The following CYP19A1 variants were observed in gnomAD, a reference collection of about 807,000 sequenced individuals.
CYP19A1 encodes aromatase.
A neutral mutation model predicts 44.4 loss-of-function variants in CYP19A1; 32 were observed. The observed-to-expected ratio is 0.72, with a 90% CI of 0.54 to 0.97. The LOEUF (loss-of-function observed/expected upper bound fraction) is 0.97, where lower values mean the gene tolerates loss of function less well. Ranked by LOEUF, CYP19A1 falls within the 50% of genes least tolerant of loss-of-function variation. The pLI, the probability that CYP19A1 is intolerant of heterozygous loss-of-function variation, is 0.00. For synonymous variants in CYP19A1, 212 were observed against 215.6 expected, an observed-to-expected ratio of 0.98 and a Z score of 0.14; for missense variants, 598 against 637.8, an observed-to-expected ratio of 0.94 and a Z score of 0.67.
At chr15:51,266,694 C>T (rs2034931398) in intron 1 of CYP19A1, among the ~76,000 whole-genome samples, 1 of 152,224 alleles carries the variant, frequency 6.6e-6, no homozygotes, top group Non-Finnish European at 1.5e-5. Flanking sequence ...CTCTCGAAAG[C>T]AGCCCCGGAC....
chr15:51,308,329 A>G lies in CYP19A1; in HGVS notation c.-39+30166T>C, dbSNP rs553558387. ...CCACCAAGTCGGTCCTCTGTCCCCA[A>G]CTTACCCTCCTGGTCAGAGGAAAAT... is the stretch of plus-strand genomic sequence containing the variant. On this transcript the variant is annotated intron_variant, in intron 1 of 9. Transcript: ENST00000396402. 9.9e-5 allele frequency among the ~76,000 whole-genome samples: 15 copies of G among 152,280 alleles called. No homozygotes were observed. The South Asian group carries it at 1.0e-3, about 11-fold the overall frequency.
chr15:51,326,077 G>A lies in CYP19A1; in HGVS notation c.-39+12418C>T, dbSNP rs538708345. 5.1e-4 allele frequency among the ~76,000 whole-genome samples: 78 copies of A among 152,286 alleles called. No individual in the cohort carries two copies. In the South Asian group the frequency reaches 0.016, roughly 31 times the overall value. ...ACTTGAAGTACAGTTTCTACTGAAA[G>A]TGAACTTCACACCATTATAAAACTG... is the stretch of plus-strand genomic sequence containing the variant. On this transcript the variant is annotated intron_variant, in intron 1 of 9. Transcript: ENST00000396402.
intron 1 of CYP19A1, among the ~76,000 whole-genome samples, chr15:51,267,841 A>AAGG (rs1210582682): frequency 6.6e-6 from 1 of 152,072 alleles, no homozygotes; most frequent in Non-Finnish European, 1.5e-5. Flanking sequence ...TGCCCCGGGG[A>AAGG]AGGGTCTTCC....
chr15:51,301,265 C>T (rs1336220123), intron 1 of CYP19A1, among the ~76,000 whole-genome samples: 1 of 152,166 alleles, frequency 6.6e-6, no homozygotes, highest in Non-Finnish European at 1.5e-5. Context: ...TCTCTGATAC[C>T]CTGAGATTCT....
chr15:51,337,431 G>T (rs748364184), intron 1 of CYP19A1, among the ~76,000 whole-genome samples: 2 of 152,198 alleles, frequency 1.3e-5, no homozygotes, highest in Non-Finnish European at 2.9e-5. Flanking sequence ...TCTTATTAAA[G>T]CTTCACAACC....
At chr15:51,325,226 T>C (rs1040343881) in intron 1 of CYP19A1, among the ~76,000 whole-genome samples, 2 of 152,046 alleles carry the variant, frequency 1.3e-5, no homozygotes, top group East Asian at 1.9e-4. Context: ...CCAAGCCAAG[T>C]TGCTACAGGG....
chr15:51,234,848 A>G (rs1223403634), intron 3 of CYP19A1, among the ~76,000 whole-genome samples: 1 of 152,090 alleles, frequency 6.6e-6, no homozygotes, highest in African/African-American at 2.4e-5. Flanking sequence ...GGCTTTGAAA[A>G]GCTCCCTGGG....
At chr15:51,309,943 C>T (rs1037930270) in intron 1 of CYP19A1, among the ~76,000 whole-genome samples, 9 of 152,162 alleles carry the variant, frequency 5.9e-5, no homozygotes, top group South Asian at 4.1e-4. Context: ...GCACCCACTA[C>T]GTCTTTGTTG....
chr15:51,236,925 T>C lies in CYP19A1; in HGVS notation c.230A>G (p.Tyr77Cys), dbSNP rs772620133. 1 of 1,614,188 alleles carries C rather than the reference T, an allele frequency of 6.2e-7. No individual in the cohort carries two copies. Among genetic ancestry groups the C allele is most frequent in the Non-Finnish European group, 8.5e-7 (1 of 1,180,020 alleles). ...CATGAATTCTCCATATACCCGGTTGTAGTAGTTGCAGGCACTGCCGATCCC... is the reference window on the plus strand; with the variant it reads ...CATGAATTCTCCATATACCCGGTTGCAGTAGTTGCAGGCACTGCCGATCCC... ...WMGIGSACNY[Y>C]NRVYGEFMRV... The change falls in exon 3 of 10, where the codon TAC (tyrosine) becomes TGC (cysteine). Residue 77 changes from tyrosine (Y) to cysteine (C), a missense_variant. Physicochemically the swap from Tyr to Cys is radical, Grantham distance 194. Coordinates refer to ENST00000396402, the MANE Select transcript of CYP19A1 (RefSeq NM_000103.4).
intron 1 of CYP19A1, among the ~76,000 whole-genome samples, chr15:51,255,173 G>A (rs1437134869): frequency 6.6e-6 from 1 of 152,136 alleles, no homozygotes; most frequent in Non-Finnish European, 1.5e-5. Context: ...GGGAGGCAAT[G>A]TTCTTACCCA....
At chr15:51,325,753 G>A (rs949026833) in intron 1 of CYP19A1, among the ~76,000 whole-genome samples, 1 of 144,164 alleles carries the variant, frequency 6.9e-6, no homozygotes, top group Non-Finnish European at 1.5e-5. Context: ...CAAGAGAATC[G>A]CTTGAACCCA....
chr15:51,225,780 G>T (rs1362102948), intron 4 of CYP19A1, among the ~76,000 whole-genome samples: 1 of 152,036 alleles, frequency 6.6e-6, no homozygotes, highest in East Asian at 1.9e-4. Flanking sequence ...GAGATGGGGT[G>T]GGCCAAACCT....
intron 2 of CYP19A1, among the ~76,000 whole-genome samples, chr15:51,238,004 G>A (rs1275033842): frequency 1.3e-5 from 2 of 152,234 alleles, no homozygotes; most frequent in Non-Finnish European, 2.9e-5. Context: ...GGCAAAAGTT[G>A]TGTAATAATA....
intron 1 of CYP19A1, among the ~76,000 whole-genome samples, chr15:51,334,810 T>A (rs2036752351): frequency 6.6e-6 from 1 of 152,120 alleles, no homozygotes; most frequent in Non-Finnish European, 1.5e-5. Context: ...CTGCAGAGAT[T>A]AAGATTAAAG....
At position 51,210,895 on chromosome 15, in the gene CYP19A1, G is replaced by A. The variant is rs982752444; in HGVS notation, c.1425C>T (p.His475=). The change falls in exon 10 of 10, where the codon CAC becomes CAT. Residue 475 remains histidine, a synonymous_variant. Transcript: ENST00000396402. ...GQCVESIQKI[H]DLSLHPDETK... ...TCTCATCTGGGTGCAAGGACAAGTC[G>A]TGTATCTTCTGTATGCTCTCAACAC... The A allele has an allele frequency of 5.0e-6, 8 of 1,593,792 alleles. No homozygotes were observed. Among genetic ancestry groups the A allele is most frequent in the Middle Eastern group, 1.7e-4 (1 of 6,036 alleles).
intron 1 of CYP19A1, among the ~76,000 whole-genome samples, chr15:51,325,236 G>A (rs573329708): frequency 2.0e-5 from 3 of 152,212 alleles, no homozygotes; most frequent in African/African-American, 7.2e-5. Context: ...TTGCTACAGG[G>A]TGAAGCCCTT....
intron 1 of CYP19A1, among the ~76,000 whole-genome samples, chr15:51,296,846 T>A (rs1043028923): frequency 2.6e-5 from 4 of 152,336 alleles, no homozygotes; most frequent in Middle Eastern, 6.8e-3. Flanking sequence ...AAACTAATGT[T>A]TACAGACCTT....
At chr15:51,238,502 T>G (rs184950088) in intron 2 of CYP19A1, among the ~76,000 whole-genome samples, 124 of 152,328 alleles carry the variant, frequency 8.1e-4, no homozygotes, top group Non-Finnish European at 1.5e-3. Context: ...GCCATCCTTT[T>G]TTTTGAGACA....
At chr15:51,242,328 A>ACAAG in intron 2 of CYP19A1, 1 of 268,494 alleles carries the variant, frequency 3.7e-6, no homozygotes, top group Non-Finnish European at 7.2e-6. Context: ...AGGGATAAAT[A>ACAAG]CAAGACAAAG....
Sources: allele counts gnomAD v4.1 joint callset (sites outside exome capture counted in the v4.1 genomes callset), GRCh38; gene constraint gnomAD v4.1.1; transcripts MANE v1.5; gene names NCBI Gene and HGNC (gene_info 2026-07-23, HGNC 2026-07-21).